Variants in FAT3 observed in about 807,000 individuals in gnomAD.
FAT3 encodes the protein protocadherin Fat 3.
Under a neutral mutation model 310.2 loss-of-function variants are expected in FAT3, and 95 were observed. That is an observed-to-expected ratio of 0.31 (90% CI 0.26 to 0.36). The LOEUF is 0.36. Among genes scored for constraint, FAT3 ranks in the 10% least tolerant of loss-of-function variants. The pLI, the probability that FAT3 is intolerant of heterozygous loss-of-function variation, is 1.00. For synonymous variants in FAT3, 2,314 were observed against 2,192.9 expected (o/e 1.06, Z -1.54); for missense variants, 5,408 against 5,715.6 (o/e 0.95, Z 1.74).
At chr11:92,392,385 A>C (rs11602479) in intron 2 of FAT3, among the ~76,000 whole-genome samples, 18,145 of 152,114 alleles carry the variant, frequency 0.12, 1,116 homozygotes, top group South Asian at 0.18. Context: ...TGAAGAAATA[A>C]GGTTTGGGGC....
intron 2 of FAT3, among the ~76,000 whole-genome samples, chr11:92,485,502 A>G (rs1952352782): frequency 1.5e-5 from 2 of 135,576 alleles, no homozygotes; most frequent in Non-Finnish European, 3.1e-5. Context: ...TATTGATAGA[A>G]TGGCTTATTT....
intron 9 of FAT3, among the ~76,000 whole-genome samples, chr11:92,796,096 A>C (rs151022247): frequency 6.6e-6 from 1 of 151,968 alleles, no homozygotes; most frequent in Non-Finnish European, 1.5e-5. Context: ...TTCATCAGTC[A>C]GGGTTGCATG....
At position 92,425,398 on chromosome 11, in the gene FAT3, A is replaced by T. The variant is rs1394799696; in HGVS notation, c.3292+69994A>T. ...CCACTTCCTTTTTCTTATTTTTTTT[A>T]ATTTTTATACTTAAGTTCTGGGATA... On this transcript the variant is annotated intron_variant, in intron 2 of 27. Coordinates refer to ENST00000525166, the MANE Select transcript of FAT3 (RefSeq NM_001367949.2). Among the ~76,000 whole-genome samples the T allele has an allele frequency of 4.0e-5, 6 of 151,858 alleles. No homozygotes were observed. In the East Asian group the frequency reaches 9.7e-4, roughly 25 times the overall value.
rs966075269 is a variant in FAT3, at chr11:92,348,658, G to A, written c.-17-3438G>A. 3.3e-5 allele frequency among the ~76,000 whole-genome samples: 5 copies of A among 152,220 alleles called. No individual in the cohort carries two copies. The South Asian group carries it at 1.0e-3, about 32-fold the overall frequency. ...TAATGAAAACTAATTCAATTGAAGC[G>A]TGTTTCAGTTTGGTATTAGCTCTGA... On this transcript the variant is annotated intron_variant, in intron 1 of 27. Coordinates refer to ENST00000525166, the MANE Select transcript of FAT3 (RefSeq NM_001367949.2).
At chr11:92,261,938 C>A (rs1865571908) in intron 1 of FAT3, among the ~76,000 whole-genome samples, 1 of 151,634 alleles carries the variant, frequency 6.6e-6, no homozygotes. Flanking sequence ...TGCCTGCATT[C>A]CAGGTTTTCT....
intron 4 of FAT3, among the ~76,000 whole-genome samples, chr11:92,747,192 A>C (rs112748479): frequency 1.7e-4 from 26 of 152,354 alleles, no homozygotes; most frequent in African/African-American, 6.0e-4. Context: ...CTGCCTGGAC[A>C]TCCAGGCATT....
chr11:92,315,202 G>A (rs1315625811), intron 1 of FAT3, among the ~76,000 whole-genome samples: 2 of 150,140 alleles, frequency 1.3e-5, no homozygotes, highest in African/African-American at 4.9e-5. Context: ...TAGCACATCA[G>A]GTGTTAAAAA....
intron 2 of FAT3, among the ~76,000 whole-genome samples, chr11:92,506,484 A>G (rs1312958607): frequency 6.6e-6 from 1 of 152,232 alleles, no homozygotes; most frequent in African/African-American, 2.4e-5. Context: ...ATGTACATAC[A>G]ATATAACTAT....
intron 3 of FAT3, among the ~76,000 whole-genome samples, chr11:92,557,210 C>T (rs1793501269): frequency 6.6e-6 from 1 of 151,916 alleles, no homozygotes. Context: ...CTCCATCTGA[C>T]GTAAGTTTCC....
At position 92,352,821 on chromosome 11, in the gene FAT3, G is replaced by A. The variant is rs1203663768; in HGVS notation, c.709G>A (p.Gly237Arg). 6.2e-7 allele frequency: 1 copy of A among 1,613,858 alleles called. No homozygotes were observed. The highest frequency in any genetic ancestry group is 1.1e-5 in the South Asian group (1 of 91,078). Reference protein sequence around the residue: ...YDLEILAVDRGMKLYGNNGVS... With the variant: ...YDLEILAVDRRMKLYGNNGVS... ...TCTGGAAATTTTGGCTGTGGACCGG[G>A]GAATGAAACTGTATGGGAACAATGG... The change falls in exon 2 of 28, where the codon GGA becomes AGA. Residue 237 changes from glycine to arginine, a missense_variant. By Grantham distance (125) the Gly-to-Arg change is moderately radical (BLOSUM62 -2). Around this residue, in one of 5 missense-constraint regions of FAT3, gnomAD observed 4,588 missense variants for 4,809.8 expected, o/e 0.95. Transcript: ENST00000525166.
chr11:92,739,274 A>G (rs1015344461), intron 4 of FAT3, among the ~76,000 whole-genome samples: 5 of 152,182 alleles, frequency 3.3e-5, no homozygotes, highest in Non-Finnish European at 7.3e-5. Flanking sequence ...CAATGACCTG[A>G]TACCTCATGC....
chr11:92,538,609 A>G (rs918640461), intron 3 of FAT3, among the ~76,000 whole-genome samples: 1 of 152,128 alleles, frequency 6.6e-6, no homozygotes, highest in Non-Finnish European at 1.5e-5. Context: ...AGTCTCTGAT[A>G]TATACTACAT....
chr11:92,436,505 A>G (rs1052754580), intron 2 of FAT3, among the ~76,000 whole-genome samples: 2 of 152,156 alleles, frequency 1.3e-5, no homozygotes, highest in Non-Finnish European at 2.9e-5. Flanking sequence ...GTTAAGGGAC[A>G]GGTTTCTACC....
intron 3 of FAT3, among the ~76,000 whole-genome samples, chr11:92,601,346 G>A (rs1396019868): frequency 6.6e-6 from 1 of 152,138 alleles, no homozygotes; most frequent in Non-Finnish European, 1.5e-5. Context: ...GATCACCTGA[G>A]GTCAGGAGTT....
intron 1 of FAT3, among the ~76,000 whole-genome samples, chr11:92,274,174 C>T (rs1195691183): frequency 6.6e-6 from 1 of 152,046 alleles, no homozygotes; most frequent in Non-Finnish European, 1.5e-5. Context: ...AAATTTTCTT[C>T]TGTGTTCTTT....
intron 2 of FAT3, among the ~76,000 whole-genome samples, chr11:92,468,007 C>A (rs1951813317): frequency 6.6e-6 from 1 of 152,160 alleles, no homozygotes; most frequent in Non-Finnish European, 1.5e-5. Flanking sequence ...ATGACATTCT[C>A]TGTAGAGCCT....
chr11:92,472,346 G>C (rs952887944), intron 2 of FAT3, among the ~76,000 whole-genome samples: 1 of 151,990 alleles, frequency 6.6e-6, no homozygotes, highest in African/African-American at 2.4e-5. Context: ...TGGTAACCTG[G>C]TTTCTGCAGC....
At chr11:92,483,695 G>A (rs147537789) in intron 2 of FAT3, among the ~76,000 whole-genome samples, 203 of 147,840 alleles carry the variant, frequency 1.4e-3, no homozygotes, top group African/African-American at 4.8e-3. Context: ...CATATCCCTG[G>A]AGGTACAATG....
At chr11:92,796,035 G>A (rs1384744144) in intron 9 of FAT3, among the ~76,000 whole-genome samples, 3 of 152,084 alleles carry the variant, frequency 2.0e-5, no homozygotes, top group Non-Finnish European at 1.5e-5. Context: ...TAGAAACTCT[G>A]CAGTCGGGCA....
Sources: allele counts gnomAD v4.1 joint callset (sites outside exome capture counted in the v4.1 genomes callset), GRCh38; gene constraint gnomAD v4.1.1; regional missense constraint gnomAD v4.1.1; transcripts MANE v1.5; gene names NCBI Gene and HGNC (gene_info 2026-07-23, HGNC 2026-07-21).